The following YEATS4 variants were observed in gnomAD, a reference collection of about 807,000 sequenced individuals.
YEATS4 encodes YEATS domain containing 4.
Under a neutral mutation model 30.1 loss-of-function variants are expected in YEATS4, and 17 were observed. The observed-to-expected ratio is 0.56, with a 90% CI of 0.39 to 0.85. The LOEUF (loss-of-function observed/expected upper bound fraction) is 0.85, where lower values mean the gene tolerates loss of function less well. YEATS4 is among the 40% of genes least tolerant of loss of function. The pLI is 0.00. For missense variants in YEATS4, 142 were observed against 268.3 expected (o/e 0.53, Z 3.29); for synonymous variants, 85 against 87.5 (o/e 0.97, Z 0.16).
At chr12:69,395,033 C>T (rs1190387499), downstream of YEATS4, among the ~76,000 whole-genome samples, 1 of 152,154 alleles carries the variant, frequency 6.6e-6, no homozygotes, top group African/African-American at 2.4e-5. Flanking sequence ...CAGCTACCCT[C>T]ATACAATGAT....
Position 69,382,640 on chromosome 12 carries a change from G to A in YEATS4, c.515-7507G>A, listed in dbSNP as rs926064106. ...GTAGGTCCAGAGATGCCATCCAAGG[G>A]CCAAGGCGTGGAATTGGGGAGTTGG... On this transcript the variant is annotated intron_variant, in intron 6 of 6. Transcript: ENST00000247843. Among the ~76,000 whole-genome samples, 15 of 152,340 alleles carry A rather than the reference G, an allele frequency of 9.8e-5. No individual in the cohort carries two copies. The East Asian group carries it at 1.5e-3, about 16-fold the overall frequency.
chr12:69,379,096 G>A (rs901788162), intron 6 of YEATS4, among the ~76,000 whole-genome samples: 3 of 152,124 alleles, frequency 2.0e-5, no homozygotes, highest in Non-Finnish European at 4.4e-5. Flanking sequence ...GGCCTATAAA[G>A]TTTCCACTGA....
chr12:69,367,892 A>G lies in YEATS4; in HGVS notation c.333+2008A>G, dbSNP rs1875497191. On this transcript the variant is annotated intron_variant, in intron 4 of 6. Transcript: ENST00000247843. ...GGGTTTTCATTTTTATTTTGAGAAT[A>G]TGCTGCCTTACCTCCCTGTCTCCTC... 2.0e-5 allele frequency among the ~76,000 whole-genome samples: 3 copies of G among 152,278 alleles called. 1 individual carries two copies. In the Middle Eastern group the frequency reaches 0.01, roughly 518 times the overall value.
chr12:69,417,201 A>C, the YEATS4 span, among the ~76,000 whole-genome samples: 4 of 125,132 alleles, frequency 3.2e-5, no homozygotes, highest in African/African-American at 1.3e-4. Context: ...TCTGTTGCCC[A>C]GGCTGGAGTG....
Position 69,377,384 on chromosome 12 carries a change from C to T in YEATS4, c.514+6409C>T, listed in dbSNP as rs58955061. 3.3e-3 allele frequency among the ~76,000 whole-genome samples: 507 copies of T among 151,938 alleles called. 6 individuals are homozygous for T. Among genetic ancestry groups the T allele is most frequent in the African/African-American group, 0.011 (475 of 41,454 alleles). On this transcript the variant is annotated intron_variant, in intron 6 of 6. Transcript: ENST00000247843. ...CTGTTTCAATAAATTTTTCAGTTTCCATCTGTCCTTCCTTCCTTCCTTTCC... is the reference window on the plus strand; with the variant it reads ...CTGTTTCAATAAATTTTTCAGTTTCTATCTGTCCTTCCTTCCTTCCTTTCC...
intron 4 of YEATS4, 110 bp downstream of exon 4, chr12:69,365,994 G>C (rs1875413758): frequency 1.2e-6 from 1 of 809,002 alleles, no homozygotes; most frequent in Non-Finnish European, 1.8e-6. Flanking sequence ...GTAAATTTAT[G>C]GCACAGTGTA....
chr12:69,360,552 T>G (rs917699136), intron 1 of YEATS4, among the ~76,000 whole-genome samples: 2 of 152,188 alleles, frequency 1.3e-5, no homozygotes, highest in Non-Finnish European at 2.9e-5. Flanking sequence ...GCCTGGCACA[T>G]GGGGAACATT....
the YEATS4 span, chr12:69,422,565 AGGCTGCAGTGAGCC>A: frequency 6.9e-6 from 1 of 145,714 alleles, no homozygotes; most frequent in Admixed American, 7.0e-5. Context: ...CCGGACGTCA[AGGCTGCAGTGAGCC>A]AAGATGGCGC....
chr12:69,405,540 A>G, the YEATS4 span, among the ~76,000 whole-genome samples: 2 of 152,084 alleles, frequency 1.3e-5, no homozygotes, highest in Non-Finnish European at 2.9e-5. Context: ...TGCCAGCATC[A>G]CTACTCTTGC....
At chr12:69,387,497 A>G (rs1205751480) in intron 6 of YEATS4, among the ~76,000 whole-genome samples, 3 of 152,218 alleles carry the variant, frequency 2.0e-5, no homozygotes, top group Non-Finnish European at 4.4e-5. Flanking sequence ...ACATTATTGC[A>G]TTGTTTGTAA....
At chr12:69,363,938 A>G (rs180977034) in intron 2 of YEATS4, among the ~76,000 whole-genome samples, 4 of 152,380 alleles carry the variant, frequency 2.6e-5, no homozygotes, top group African/African-American at 9.6e-5. Context: ...GCATTATGCT[A>G]AGTAAAAGAA....
intron 6 of YEATS4, among the ~76,000 whole-genome samples, chr12:69,378,929 C>A (rs938908409): frequency 6.6e-6 from 1 of 151,562 alleles, no homozygotes; most frequent in Non-Finnish European, 1.5e-5. Flanking sequence ...AGAACTTCAG[C>A]ATTTCTTGTA....
the YEATS4 span, among the ~76,000 whole-genome samples, chr12:69,412,109 A>G: frequency 2.0e-5 from 3 of 152,340 alleles, no homozygotes; most frequent in East Asian, 3.9e-4. Flanking sequence ...GGTCGGGAGC[A>G]GTACACTTAA....
the YEATS4 span, among the ~76,000 whole-genome samples, chr12:69,425,249 T>G: frequency 6.6e-6 from 1 of 152,160 alleles, no homozygotes; most frequent in African/African-American, 2.4e-5. Flanking sequence ...TACAATAAAT[T>G]GTAGTTCATT....
chr12:69,361,419 T>C (rs1429705977), intron 1 of YEATS4: 1 of 152,284 alleles, frequency 6.6e-6, no homozygotes, highest in Non-Finnish European at 1.5e-5. Flanking sequence ...GCCTCCTGAA[T>C]AGCTGGAATT....
At chr12:69,391,495 T>C (rs1399446589), downstream of YEATS4, among the ~76,000 whole-genome samples, 2 of 152,222 alleles carry the variant, frequency 1.3e-5, no homozygotes, top group African/African-American at 4.8e-5. Context: ...CTGAACCATC[T>C]TGGCAACCTA....
chr12:69,395,568 A>T (rs1388817608), downstream of YEATS4, among the ~76,000 whole-genome samples: 3 of 141,782 alleles, frequency 2.1e-5, no homozygotes, highest in South Asian at 6.8e-4. Context: ...TTTAGGGACT[A>T]ACTATCTTCA....
intron 6 of YEATS4, among the ~76,000 whole-genome samples, chr12:69,388,061 T>A (rs1408828791): frequency 1.7e-4 from 15 of 86,686 alleles, no homozygotes; most frequent in Non-Finnish European, 3.0e-4. Context: ...TTTTTTATTT[T>A]TATTTTTTTT....
rs767511025 is a variant in YEATS4 at position 69,390,328 on chromosome 12, G to A, written c.*12G>A. ...CAAAAGACATATAAACAGTTCTCATGAGAACTTGGTAGTAAGCTAAACTGA... is the reference window on the plus strand; with the variant it reads ...CAAAAGACATATAAACAGTTCTCATAAGAACTTGGTAGTAAGCTAAACTGA... On this transcript the variant is annotated 3_prime_UTR_variant, in exon 7 of 7. Transcript: ENST00000247843. The A allele has an allele frequency of 3.2e-6, 5 of 1,555,614 alleles. No homozygotes were observed. Among genetic ancestry groups the A allele is most frequent in the Non-Finnish European group, 4.3e-6 (5 of 1,160,062 alleles).
Sources: allele counts gnomAD v4.1 joint callset (sites outside exome capture counted in the v4.1 genomes callset), GRCh38; gene constraint gnomAD v4.1.1; transcripts MANE v1.5; gene names NCBI Gene and HGNC (gene_info 2026-07-23, HGNC 2026-07-21).